Variants in NPL observed in about 807,000 individuals in gnomAD.
NPL encodes N-acetylneuraminate pyruvate lyase.
NPL carries 32 observed loss-of-function variants against 41.1 expected under a neutral mutation model. That is an observed-to-expected ratio of 0.78 (90% CI 0.59 to 1.05). The LOEUF (loss-of-function observed/expected upper bound fraction) is 1.05. Ranked by LOEUF, NPL falls within the 50% of genes least tolerant of loss-of-function variation. NPL has a pLI of 0.00. For missense variants in NPL, 321 were observed against 378.4 expected (o/e 0.85, Z 1.26); for synonymous variants, 128 against 134.9 (o/e 0.95, Z 0.35).
At chr1:182,815,971 TAATG>T (rs950095991) in intron 7 of NPL, among the ~76,000 whole-genome samples, 5 of 152,140 alleles carry the variant, frequency 3.3e-5, no homozygotes, top group Admixed American at 3.3e-4. Context: ...AAAGGAAAAA[TAATG>T]AATATATGCA....
chr1:182,809,351 C>A, intron 5 of NPL: 1 of 301,142 alleles, frequency 3.3e-6, no homozygotes, highest in South Asian at 2.6e-5. Flanking sequence ...CCAACCTGGC[C>A]AACCTGACAA....
chr1:182,815,290 G>T (rs1667292144), intron 7 of NPL, among the ~76,000 whole-genome samples: 1 of 152,130 alleles, frequency 6.6e-6, no homozygotes, highest in African/African-American at 2.4e-5. Flanking sequence ...AATATTCATT[G>T]CCTTCTAGAA....
chr1:182,795,097 T>A (rs1311243636), intron 3 of NPL, among the ~76,000 whole-genome samples: 1 of 151,738 alleles, frequency 6.6e-6, no homozygotes, highest in Non-Finnish European at 1.5e-5. Context: ...AAAAATCAGA[T>A]AACAAAAAGG....
rs1050293286 is a variant in NPL, at chr1:182,828,133, T to C, written c.779-591T>C. Among the ~76,000 whole-genome samples the C allele has an allele frequency of 3.3e-5, 5 of 152,168 alleles. No homozygotes were observed. Among genetic ancestry groups the C allele is most frequent in the African/African-American group, 1.2e-4 (5 of 41,444 alleles). ...GGGCTGGGTTTTTTTCTATTGCTTT[T>C]TACAGAAGGCTGACTACCAGTTTTA... is the stretch of plus-strand genomic sequence containing the variant. On this transcript the variant is annotated intron_variant, in intron 12 of 12. Transcript: ENST00000367553. This position sits in a 1 kb window ranked among gnomAD's most constrained non-coding sequence, Gnocchi z 4.0.
At chr1:182,799,437 T>A (rs943952491) in intron 3 of NPL, among the ~76,000 whole-genome samples, 3 of 152,044 alleles carry the variant, frequency 2.0e-5, no homozygotes, top group Non-Finnish European at 4.4e-5. Context: ...TATAAAACTG[T>A]GTCTAATACG....
intron 7 of NPL, 41 bp downstream of exon 7, chr1:182,814,899 C>A (rs1020966899): frequency 1.4e-6 from 2 of 1,466,752 alleles, no homozygotes; most frequent in Non-Finnish European, 9.6e-7. Context: ...TCACATGGTC[C>A]ACTTCTTCTT....
At chr1:182,824,721 T>C (rs1667584995) in intron 11 of NPL, among the ~76,000 whole-genome samples, 1 of 152,094 alleles carries the variant, frequency 6.6e-6, no homozygotes, top group African/African-American at 2.4e-5. Context: ...GGCATGAACC[T>C]GGGAGGCAGA....
chr1:182,807,637 G>A (rs1667053919), intron 5 of NPL, among the ~76,000 whole-genome samples: 1 of 151,002 alleles, frequency 6.6e-6, no homozygotes, highest in African/African-American at 2.4e-5. Flanking sequence ...AGCACTTTGG[G>A]AGGCCAAGGC....
intron 3 of NPL, among the ~76,000 whole-genome samples, chr1:182,796,183 AAAAG>A (rs1424061468): frequency 2.6e-5 from 4 of 151,942 alleles, no homozygotes; most frequent in South Asian, 2.1e-4. Context: ...AAAAAAAAAA[AAAAG>A]AATGCATTAT....
chr1:182,805,039 A>C (rs1466118444), intron 4 of NPL, among the ~76,000 whole-genome samples: 2 of 152,212 alleles, frequency 1.3e-5, no homozygotes, highest in African/African-American at 4.8e-5. Context: ...CTTCCAACCC[A>C]GTGCTGAGTG....
rs1325607115 is a variant in NPL at position 182,818,673 on chromosome 1, T to A, written c.590T>A (p.Leu197His). The A allele has an allele frequency of 1.2e-6, 2 of 1,614,188 alleles. No homozygotes were observed. The highest frequency in any genetic ancestry group is 2.2e-5 in the South Asian group (2 of 91,090). Residue 197 changes from leucine (L) to histidine (H), a missense_variant, in exon 9 of 13, where the codon CTT becomes CAT. Physicochemically the swap from Leu to His is moderately conservative, Grantham distance 99 (BLOSUM62 -3). Coordinates refer to ENST00000367553, the MANE Select transcript of NPL (RefSeq NM_030769.3). The part of the protein sequence containing the change: ...DQNRQQQFAF[L>H]FGVDEQLLSA... ...AATCGCCAGCAACAGTTTGCTTTCC[T>A]TTTTGGGGTGGATGAGGTAAGTCAC...
intron 7 of NPL, among the ~76,000 whole-genome samples, chr1:182,815,187 AT>A (rs140344011): frequency 6.6e-6 from 1 of 152,110 alleles, no homozygotes; most frequent in African/African-American, 2.4e-5. Flanking sequence ...GCATGGGACC[AT>A]TTTTCTTAGA....
intron 10 of NPL, 45 bp from the exon 11 acceptor site, chr1:182,822,069 TC>T: frequency 8.2e-7 from 1 of 1,216,052 alleles, no homozygotes; most frequent in Non-Finnish European, 1.2e-6. Context: ...TCTGGACCTT[TC>T]CTGTTGAGTT....
chr1:182,804,193 C>T (rs1666937190), intron 4 of NPL, among the ~76,000 whole-genome samples: 1 of 152,102 alleles, frequency 6.6e-6, no homozygotes, highest in Non-Finnish European at 1.5e-5. Flanking sequence ...TGCAGTGGCA[C>T]CATCAGCTCA....
intron 10 of NPL, among the ~76,000 whole-genome samples, chr1:182,819,334 T>A (rs1667424867): frequency 1.3e-5 from 2 of 151,938 alleles, no homozygotes. Context: ...TAATCCCAGC[T>A]ACTTGGGAGG....
chr1:182,806,109 T>A (rs756941723), intron 4 of NPL, 36 bp from the exon 5 acceptor site: 1 of 1,613,808 alleles, frequency 6.2e-7, no homozygotes, highest in South Asian at 1.1e-5. Context: ...GCAGAGGTGC[T>A]CCTTGGTCCT....
intron 3 of NPL, chr1:182,795,762 A>G (rs1014813108): frequency 3.3e-5 from 5 of 152,160 alleles, no homozygotes; most frequent in Admixed American, 2.0e-4. Context: ...CTGTTTCTCA[A>G]TGCATCAGTC....
At chr1:182,824,593 T>G (rs1011844860) in intron 11 of NPL, among the ~76,000 whole-genome samples, 5 of 152,036 alleles carry the variant, frequency 3.3e-5, no homozygotes, top group African/African-American at 9.7e-5. Flanking sequence ...GTCAGGAGAT[T>G]GAGACCATCA....
At chr1:182,801,925 A>G (rs1246162669) in intron 3 of NPL, among the ~76,000 whole-genome samples, 2 of 152,174 alleles carry the variant, frequency 1.3e-5, no homozygotes, top group African/African-American at 2.4e-5. Context: ...CCTAGCTGTC[A>G]TTTATCAGTC....
Sources: gnomAD v4.1 joint callset for allele counts (sites outside exome capture counted in the v4.1 genomes callset) on GRCh38, gnomAD v4.1.1 for gene constraint, Gnocchi (gnomAD v3.1) non-coding constraint, MANE v1.5 for transcripts, NCBI Gene and HGNC (gene_info 2026-07-23, HGNC 2026-07-21) for gene names.